Variants in SPAG16 observed in about 807,000 individuals in gnomAD.
The protein encoded by SPAG16 is sperm associated antigen 16.
A neutral mutation model predicts 80.4 loss-of-function variants in SPAG16; 86 were observed. The observed-to-expected ratio is 1.07, with a 90% CI of 0.90 to 1.28. The LOEUF (loss-of-function observed/expected upper bound fraction) is 1.28, where lower values mean the gene tolerates loss of function less well. Ranked by LOEUF, SPAG16 falls within the 50% of genes most tolerant of loss-of-function variation. SPAG16 has a pLI of 0.00. For missense variants in SPAG16, 870 were observed against 765.3 expected (o/e 1.14, Z -1.61); for synonymous variants, 294 against 265.9 (o/e 1.11, Z -1.03).
intron 13 of SPAG16, among the ~76,000 whole-genome samples, chr2:214,027,750 A>G (rs1172941867): frequency 1.3e-5 from 2 of 151,822 alleles, no homozygotes; most frequent in African/African-American, 4.8e-5. Context: ...TAAGGCTACC[A>G]TTGACATTAA....
At chr2:213,559,041 G>GATAT (rs750180768) in intron 10 of SPAG16, among the ~76,000 whole-genome samples, 1 of 151,848 alleles carries the variant, frequency 6.6e-6, no homozygotes, top group South Asian at 2.1e-4. Flanking sequence ...CTAATACCTA[G>GATAT]GCCTCATTCA....
intron 15 of SPAG16, among the ~76,000 whole-genome samples, chr2:214,163,309 T>C (rs919632043): frequency 1.3e-5 from 2 of 152,012 alleles, no homozygotes; most frequent in South Asian, 4.1e-4. Context: ...AGTAATCTTT[T>C]CCATACCTTT....
intron 9 of SPAG16, among the ~76,000 whole-genome samples, chr2:213,376,450 A>G (rs963497530): frequency 8.5e-5 from 13 of 152,074 alleles, no homozygotes; most frequent in African/African-American, 2.9e-4. Flanking sequence ...CGTAATACCT[A>G]CAGCATGGTA....
At chr2:213,361,361 T>G (rs1052726861) in intron 7 of SPAG16, among the ~76,000 whole-genome samples, 1 of 140,358 alleles carries the variant, frequency 7.1e-6, no homozygotes, top group Non-Finnish European at 1.6e-5. Flanking sequence ...AGAATATGTA[T>G]GTATGTGTGT....
At position 213,748,624 on chromosome 2, in the gene SPAG16, G is replaced by T. The variant is rs992211074; in HGVS notation, c.1071-113861G>T. Among the ~76,000 whole-genome samples, 18 of 152,026 alleles carry T rather than the reference G, an allele frequency of 1.2e-4. 1 individual carries two copies. Among genetic ancestry groups the T allele is most frequent in the African/African-American group, 3.9e-4 (16 of 41,416 alleles). ...CATTCATTAACATATAAATAAGAAAGGAAATCTGAAAGTAAGCGTAAGGAC... is the reference window on the plus strand; with the variant it reads ...CATTCATTAACATATAAATAAGAAATGAAATCTGAAAGTAAGCGTAAGGAC... On this transcript the variant is annotated intron_variant, in intron 10 of 15. Transcript: ENST00000331683.
intron 15 of SPAG16, among the ~76,000 whole-genome samples, chr2:214,163,372 C>T (rs944218875): frequency 6.6e-6 from 1 of 151,376 alleles, no homozygotes; most frequent in African/African-American, 2.4e-5. Flanking sequence ...TGTTTTTCTC[C>T]CCAATCTGAT....
intron 9 of SPAG16, among the ~76,000 whole-genome samples, chr2:213,375,567 C>G (rs926061930): frequency 3.9e-5 from 6 of 151,982 alleles, no homozygotes; most frequent in African/African-American, 1.4e-4. Context: ...ACTTTGTAAT[C>G]AGACTGGTAG....
intron 8 of SPAG16, among the ~76,000 whole-genome samples, chr2:213,373,018 T>C (rs2066717426): frequency 1.3e-5 from 2 of 152,174 alleles, no homozygotes; most frequent in Admixed American, 1.3e-4. Flanking sequence ...GTTTATTTGC[T>C]GTTTGTTTTA....
chr2:213,521,887 G>A lies in SPAG16; in HGVS notation c.1070+31797G>A, dbSNP rs574453491. Among the ~76,000 whole-genome samples, 18 of 152,220 alleles carry A rather than the reference G, an allele frequency of 1.2e-4. 1 individual carries two copies. The highest frequency in any genetic ancestry group is 3.9e-4 in the East Asian group (2 of 5,184). On this transcript the variant is annotated intron_variant, in intron 10 of 15. Coordinates refer to ENST00000331683, the MANE Select transcript of SPAG16 (RefSeq NM_024532.5). ...TAAATTATTGTTTATGCTTTTCTGCGTGCCCTGGGAAGACTTGCATTTGTG... is the reference window on the plus strand; with the variant it reads ...TAAATTATTGTTTATGCTTTTCTGCATGCCCTGGGAAGACTTGCATTTGTG...
At chr2:213,573,646 A>G (rs1410454154) in intron 10 of SPAG16, among the ~76,000 whole-genome samples, 2 of 152,124 alleles carry the variant, frequency 1.3e-5, no homozygotes, top group African/African-American at 2.4e-5. Flanking sequence ...TTTTGTATAT[A>G]TTTTTATACG....
At chr2:214,001,707 G>T (rs1420423648) in intron 12 of SPAG16, among the ~76,000 whole-genome samples, 1 of 152,030 alleles carries the variant, frequency 6.6e-6, no homozygotes, top group Non-Finnish European at 1.5e-5. Context: ...CGGATGACAG[G>T]CATCAAACCT....
intron 12 of SPAG16, among the ~76,000 whole-genome samples, chr2:213,972,229 T>A (rs1047351819): frequency 6.6e-6 from 1 of 151,080 alleles, no homozygotes; most frequent in African/African-American, 2.4e-5. Context: ...CAAGTCTGTA[T>A]TCATCAGAGA....
chr2:214,268,757 G>GTC (rs1691776185), intron 15 of SPAG16, among the ~76,000 whole-genome samples: 1 of 151,772 alleles, frequency 6.6e-6, no homozygotes, highest in Non-Finnish European at 1.5e-5. Context: ...GTGTGTGTGT[G>GTC]TGTGGGTGTG....
chr2:213,840,386 G>C (rs1185815451), intron 10 of SPAG16, among the ~76,000 whole-genome samples: 1 of 152,072 alleles, frequency 6.6e-6, no homozygotes, highest in East Asian at 1.9e-4. Flanking sequence ...AAATTGAATA[G>C]AAACTTTCCC....
chr2:214,177,904 T>C (rs1392753890), intron 15 of SPAG16, among the ~76,000 whole-genome samples: 4 of 92,296 alleles, frequency 4.3e-5, no homozygotes, highest in Non-Finnish European at 5.8e-5. Context: ...TATATACATA[T>C]ATATATATAT....
At chr2:213,940,965 A>C (rs566142203) in intron 12 of SPAG16, among the ~76,000 whole-genome samples, 1 of 152,162 alleles carries the variant, frequency 6.6e-6, no homozygotes, top group African/African-American at 2.4e-5. Context: ...CTCATTATCT[A>C]TGTTCATATT....
intron 10 of SPAG16, among the ~76,000 whole-genome samples, chr2:213,519,072 G>T (rs1396425138): frequency 6.6e-6 from 1 of 152,154 alleles, no homozygotes; most frequent in Non-Finnish European, 1.5e-5. Context: ...GACTACCGGT[G>T]GGGGGTTAGG....
At position 214,043,872 on chromosome 2, in the gene SPAG16, T is replaced by C. The variant is rs181222923; in HGVS notation, c.1527+29795T>C. On this transcript the variant is annotated intron_variant, in intron 13 of 15. Transcript: ENST00000331683. The stretch of plus-strand genomic sequence containing the variant: ...TATTCATATAACATATACACACTTA[T>C]ATGTTCATGTAATACACACAAGCAT... 3.5e-4 allele frequency among the ~76,000 whole-genome samples: 53 copies of C among 152,270 alleles called. No individual in the cohort carries two copies. The East Asian group carries it at 9.6e-3, about 28-fold the overall frequency.
At chr2:214,400,636 C>T (rs1701654210) in intron 15 of SPAG16, among the ~76,000 whole-genome samples, 1 of 151,956 alleles carries the variant, frequency 6.6e-6, no homozygotes, top group South Asian at 2.1e-4. Context: ...TTGTTTAAAA[C>T]CATTTTTGGC....
Sources: gnomAD v4.1 joint callset for allele counts (sites outside exome capture counted in the v4.1 genomes callset) on GRCh38, gnomAD v4.1.1 for gene constraint, MANE v1.5 for transcripts, NCBI Gene and HGNC (gene_info 2026-07-23, HGNC 2026-07-21) for gene names.